CCSER1: variants seen among roughly 807,000 people sequenced by gnomAD.
CCSER1 encodes coiled-coil serine rich protein 1.
A neutral mutation model predicts 82.0 loss-of-function variants in CCSER1; 41 were observed. The observed-to-expected ratio is 0.50, with a 90% CI of 0.39 to 0.65. CCSER1 has a LOEUF of 0.65. Among genes scored for constraint, CCSER1 ranks in the 30% least tolerant of loss-of-function variants. The pLI, the probability that CCSER1 is intolerant of heterozygous loss-of-function variation, is 0.00. For missense variants in CCSER1, 1,119 were observed against 1,064.2 expected (o/e 1.05, Z -0.72); for synonymous variants, 414 against 383.9 (o/e 1.08, Z -0.92).
intron 6 of CCSER1, among the ~76,000 whole-genome samples, chr4:90,699,447 A>G (rs1737607931): frequency 6.6e-6 from 1 of 152,172 alleles, no homozygotes; most frequent in South Asian, 2.1e-4. Flanking sequence ...AGTTGAATCA[A>G]TTGAATTTAT....
At position 90,399,975 on chromosome 4, in the gene CCSER1, G is replaced by A. The variant is rs879331468; in HGVS notation, c.1510-61G>A. On this transcript the variant is annotated intron_variant, in intron 3 of 10. Coordinates refer to ENST00000509176, the MANE Select transcript of CCSER1 (RefSeq NM_001145065.2). ...TTTTTGCTTCACGGCTTCCACATAT[G>A]AGTATTTCCTCATTTACTCAGTGTT... 5 of 878,396 alleles carry A rather than the reference G, an allele frequency of 5.7e-6. No homozygotes were observed. In the Admixed American group the frequency reaches 1.0e-4, roughly 18 times the overall value. The allele number at this position is 878,396 out of a possible 1,614,324, so 54.4% of individuals were successfully genotyped here. A position where few individuals can be genotyped will look rare whatever the true frequency, so the allele number is the denominator to read the frequency against.
At chr4:91,102,288 T>C (rs1452840200) in intron 10 of CCSER1, among the ~76,000 whole-genome samples, 1 of 133,146 alleles carries the variant, frequency 7.5e-6, no homozygotes, top group Non-Finnish European at 1.7e-5. Flanking sequence ...TTGTAAGATG[T>C]TAAAATCCAG....
intron 6 of CCSER1, among the ~76,000 whole-genome samples, chr4:90,662,630 A>G (rs1731032416): frequency 6.6e-6 from 1 of 152,132 alleles, no homozygotes; most frequent in Non-Finnish European, 1.5e-5. Context: ...TACATTGTAC[A>G]ATATCTTAAC....
intron 10 of CCSER1, among the ~76,000 whole-genome samples, chr4:91,283,112 A>G (rs1051273746): frequency 6.6e-6 from 1 of 152,016 alleles, no homozygotes; most frequent in African/African-American, 2.4e-5. Flanking sequence ...TGAGTATATT[A>G]TAATATAATT....
intron 5 of CCSER1, among the ~76,000 whole-genome samples, chr4:90,501,547 A>G (rs570811917): frequency 1.6e-4 from 25 of 152,184 alleles, no homozygotes; most frequent in Non-Finnish European, 3.5e-4. Context: ...AATTTTATCT[A>G]TGACAGTTCA....
chr4:91,338,795 G>A (rs1747495686), intron 10 of CCSER1, among the ~76,000 whole-genome samples: 1 of 152,008 alleles, frequency 6.6e-6, no homozygotes, highest in Admixed American at 6.6e-5. Context: ...CCAAAATAAA[G>A]ACTAGAAAAC....
intron 10 of CCSER1, among the ~76,000 whole-genome samples, chr4:91,457,800 G>C (rs558309137): frequency 5.3e-5 from 8 of 152,012 alleles, no homozygotes; most frequent in Non-Finnish European, 1.0e-4. Context: ...AATTTTTTCT[G>C]TAGGCAAGCT....
intron 7 of CCSER1, among the ~76,000 whole-genome samples, chr4:90,778,493 T>C (rs116177511): frequency 0.012 from 1,786 of 150,048 alleles, 37 homozygotes; most frequent in African/African-American, 0.042. Flanking sequence ...AAGTTTTCCA[T>C]TAAATGGCAG....
At chr4:90,719,952 C>T (rs1331934852) in intron 6 of CCSER1, among the ~76,000 whole-genome samples, 1 of 152,000 alleles carries the variant, frequency 6.6e-6, no homozygotes, top group Admixed American at 6.6e-5. Flanking sequence ...GGATTTGTCT[C>T]GTCTATTTAT....
intron 10 of CCSER1, among the ~76,000 whole-genome samples, chr4:91,189,069 G>A (rs7434804): frequency 0.27 from 41,708 of 151,816 alleles, 6,022 homozygotes; most frequent in South Asian, 0.38. Flanking sequence ...TATATATAAT[G>A]ATTTTAGACT....
intron 5 of CCSER1, among the ~76,000 whole-genome samples, chr4:90,503,345 C>T (rs991797147): frequency 2.6e-5 from 4 of 152,020 alleles, no homozygotes; most frequent in South Asian, 2.1e-4. Flanking sequence ...TTACTATAAG[C>T]GAACCAATAC....
chr4:91,453,453 T>C lies in CCSER1; in HGVS notation c.2218-145119T>C, dbSNP rs180819269. 8.5e-4 allele frequency among the ~76,000 whole-genome samples: 130 copies of C among 152,142 alleles called. 2 individuals are homozygous for C. Among genetic ancestry groups the C allele is most frequent in the Admixed American group, 7.9e-3 (120 of 15,258 alleles). ...TGAAATTGAGTGGCCCCTTTTTATT[T>C]CTCTGTTACAAATGTTTACTTTTTC... On this transcript the variant is annotated intron_variant, in intron 10 of 10. Transcript: ENST00000509176.
intron 10 of CCSER1, among the ~76,000 whole-genome samples, chr4:91,422,212 C>T (rs529778122): frequency 6.6e-6 from 1 of 151,728 alleles, no homozygotes; most frequent in Non-Finnish European, 1.5e-5. Flanking sequence ...TAATTTGTTA[C>T]ATCAGCAAAA....
intron 10 of CCSER1, among the ~76,000 whole-genome samples, chr4:91,567,041 C>T (rs1762923988): frequency 6.6e-6 from 1 of 152,046 alleles, no homozygotes; most frequent in African/African-American, 2.4e-5. Flanking sequence ...CTATGAATTT[C>T]CCTGCCTTAG....
At chr4:90,432,605 TTC>T (rs755136901) in intron 4 of CCSER1, among the ~76,000 whole-genome samples, 1 of 151,954 alleles carries the variant, frequency 6.6e-6, no homozygotes, top group East Asian at 1.9e-4. Context: ...CTTTCTTTCT[TTC>T]TCTCTTTCTT....
intron 9 of CCSER1, among the ~76,000 whole-genome samples, chr4:91,021,485 A>G (rs116075367): frequency 6.6e-6 from 1 of 152,336 alleles, no homozygotes; most frequent in African/African-American, 2.4e-5. Flanking sequence ...GCAATGACAA[A>G]GTGTAAATTT....
chr4:91,204,345 C>A (rs1343063893), intron 10 of CCSER1, among the ~76,000 whole-genome samples: 11 of 151,684 alleles, frequency 7.3e-5, no homozygotes, highest in African/African-American at 2.7e-4. Flanking sequence ...AAGGAGCTTG[C>A]ATAAATGGCG....
chr4:90,478,056 C>T (rs1273836232), intron 5 of CCSER1, among the ~76,000 whole-genome samples: 1 of 152,160 alleles, frequency 6.6e-6, no homozygotes, highest in Non-Finnish European at 1.5e-5. Flanking sequence ...CATGCTAATT[C>T]TCTTAACTGT....
intron 10 of CCSER1, among the ~76,000 whole-genome samples, chr4:91,213,890 A>G (rs977945227): frequency 3.3e-5 from 5 of 152,060 alleles, no homozygotes; most frequent in Admixed American, 6.5e-5. Context: ...GAAAAGCCCT[A>G]ACTGTTATTA....
Sources: gnomAD v4.1 joint callset for allele counts (sites outside exome capture counted in the v4.1 genomes callset) on GRCh38, gnomAD v4.1.1 for gene constraint, MANE v1.5 for transcripts, NCBI Gene and HGNC (gene_info 2026-07-23, HGNC 2026-07-21) for gene names.